The following FRMPD1 variants were observed in gnomAD, a reference collection of about 807,000 sequenced individuals.
The protein encoded by FRMPD1 is FERM and PDZ domain-containing protein 1.
A neutral mutation model predicts 117.8 loss-of-function variants in FRMPD1; 76 were observed. The observed-to-expected ratio is 0.65, with a 90% CI of 0.54 to 0.78. The LOEUF (loss-of-function observed/expected upper bound fraction) is 0.78, where lower values mean the gene tolerates loss of function less well. Ranked by LOEUF, FRMPD1 falls within the 30% of genes least tolerant of loss-of-function variation. The probability of loss-of-function intolerance (pLI) is 0.00; values close to 1 mark genes in which losing one functional copy is unlikely to be tolerated. For missense variants in FRMPD1, 1,786 were observed against 1,964.5 expected (o/e 0.91, Z 1.72); for synonymous variants, 783 against 770.4 (o/e 1.02, Z -0.27).
At chr9:37,730,189 T>C (rs1823807930) in intron 8 of FRMPD1, among the ~76,000 whole-genome samples, 1 of 152,220 alleles carries the variant, frequency 6.6e-6, no homozygotes, top group Non-Finnish European at 1.5e-5. Context: ...CCCTTGCACC[T>C]GCTGCCTTTG....
intron 5 of FRMPD1, among the ~76,000 whole-genome samples, chr9:37,718,248 C>T (rs553314610): frequency 6.6e-6 from 1 of 152,330 alleles, no homozygotes; most frequent in African/African-American, 2.4e-5. Context: ...TCTCTTCTCC[C>T]ATCTTCACAG....
the FRMPD1 span, among the ~76,000 whole-genome samples, chr9:37,628,925 G>A: frequency 1.3e-4 from 20 of 152,218 alleles, no homozygotes; most frequent in African/African-American, 3.4e-4. Context: ...CAGGCCGGGC[G>A]CGGTGGCTCA....
chr9:37,668,693 C>A (rs1403645597), intron 1 of FRMPD1: 1 of 152,092 alleles, frequency 6.6e-6, no homozygotes, highest in Non-Finnish European at 1.5e-5. Context: ...ATACCTTCTC[C>A]ATATCTTAAA....
rs1204929267 is a variant in FRMPD1, at chr9:37,683,507, G to GTGCAAA, written c.-4-9128_-4-9127insAAATGC. ...TTCTGTGCAAATCCAGTACACTACT[G>GTGCAAA]TGCCTGTTCATTGAAGTGTGAGTAG... On this transcript the variant is annotated intron_variant, in intron 1 of 15. Coordinates refer to ENST00000377765, the MANE Select transcript of FRMPD1 (RefSeq NM_014907.3). Among the ~76,000 whole-genome samples, 139 of 152,336 alleles carry GTGCAAA rather than the reference G, an allele frequency of 9.1e-4. 1 individual carries two copies. The highest frequency in any genetic ancestry group is 3.4e-3 in the Middle Eastern group (1 of 294).
intron 1 of FRMPD1, among the ~76,000 whole-genome samples, chr9:37,674,373 A>G (rs1018264305): frequency 2.6e-5 from 4 of 152,190 alleles, no homozygotes; most frequent in African/African-American, 4.8e-5. Context: ...TATTGTTTAT[A>G]TTGCTATCAG....
At chr9:37,623,116 A>T in the FRMPD1 span, among the ~76,000 whole-genome samples, 2 of 152,246 alleles carry the variant, frequency 1.3e-5, no homozygotes, top group Non-Finnish European at 2.9e-5. Flanking sequence ...GAATGTTTTA[A>T]AGTCTGACCA....
chr9:37,728,142 A>G (rs1288129870), intron 7 of FRMPD1: 1 of 152,214 alleles, frequency 6.6e-6, no homozygotes, highest in Non-Finnish European at 1.5e-5. Flanking sequence ...AAATCAATTC[A>G]ATGTACACAA....
intron 1 of FRMPD1, among the ~76,000 whole-genome samples, chr9:37,659,441 C>G (rs561171681): frequency 1.3e-5 from 2 of 152,312 alleles, no homozygotes; most frequent in African/African-American, 4.8e-5. Flanking sequence ...TCAGGTCTTT[C>G]TGGTGCATAC....
chr9:37,740,963 C>A lies in FRMPD1; in HGVS notation c.2356+79C>A. 1 of 1,094,386 alleles carries A rather than the reference C, an allele frequency of 9.1e-7. No homozygotes were observed. Among genetic ancestry groups the A allele is most frequent in the Non-Finnish European group, 1.4e-6 (1 of 715,538 alleles). The allele number at this position is 1,094,386 out of a possible 1,614,324, so 67.8% of individuals were successfully genotyped here. A position where few individuals can be genotyped will look rare whatever the true frequency, so the allele number is the denominator to read the frequency against. On this transcript the variant is annotated intron_variant, in intron 15 of 15. Transcript: ENST00000377765. The surrounding 1 kb of genome is among the most constrained non-coding windows in gnomAD (Gnocchi z 4.2). ...CCGGGGATCAAGGCCTGGGGCCAAG[C>A]TTGAGAGGAAGGCACATGAGTGAAA...
intron 1 of FRMPD1, among the ~76,000 whole-genome samples, chr9:37,677,000 T>G (rs1821552168): frequency 6.6e-6 from 1 of 152,210 alleles, no homozygotes; most frequent in Non-Finnish European, 1.5e-5. Flanking sequence ...AAAGAGGATC[T>G]AATGGAACGA....
intron 12 of FRMPD1, 66 bp downstream of exon 12, chr9:37,733,891 T>C (rs1824006969): frequency 4.3e-6 from 4 of 928,918 alleles, no homozygotes; most frequent in East Asian, 2.4e-5. Flanking sequence ...TGAAAATCAA[T>C]GTGTCTTTTA....
chr9:37,725,037 G>A (rs1222314373), intron 7 of FRMPD1, among the ~76,000 whole-genome samples: 1 of 152,126 alleles, frequency 6.6e-6, no homozygotes, highest in Non-Finnish European at 1.5e-5. Context: ...TTGAGGGTAG[G>A]GTACATATCA....
intron 2 of FRMPD1, among the ~76,000 whole-genome samples, chr9:37,701,785 C>T (rs1011162659): frequency 1.3e-5 from 2 of 152,100 alleles, no homozygotes; most frequent in Admixed American, 6.5e-5. Flanking sequence ...AGTCTGGCTG[C>T]TAGATGGAGA....
intron 7 of FRMPD1, among the ~76,000 whole-genome samples, chr9:37,726,012 T>C (rs1238361747): frequency 6.6e-6 from 1 of 152,192 alleles, no homozygotes; most frequent in Non-Finnish European, 1.5e-5. Flanking sequence ...CCAAAAGGAC[T>C]TTGAGGTAGT....
At chr9:37,614,293 C>T in the FRMPD1 span, among the ~76,000 whole-genome samples, 3 of 152,060 alleles carry the variant, frequency 2.0e-5, no homozygotes, top group Non-Finnish European at 4.4e-5. Context: ...GGCAAAGATA[C>T]CAAGTCTGGA....
intron 1 of FRMPD1, among the ~76,000 whole-genome samples, chr9:37,688,188 T>C (rs1588928732): frequency 6.6e-6 from 1 of 150,644 alleles, no homozygotes; most frequent in South Asian, 2.1e-4. Flanking sequence ...GGGAAACATA[T>C]ATACAAGTAT....
rs1482369115 is a variant in FRMPD1 at position 37,740,589 on chromosome 9, A to C, written c.2061A>C (p.Pro687=). The change falls in exon 15 of 16, where the codon CCA becomes CCC. Residue 687 remains proline, a synonymous_variant. Transcript: ENST00000377765. The surrounding 1 kb of genome is among the most constrained non-coding windows in gnomAD (Gnocchi z 4.2). ...SAALETFGWA[P]ELSTVRLDPR... is the part of the protein sequence containing the mutation. ...CTTTGGAGACATTTGGCTGGGCACC[A>C]GAACTGAGCACAGTCAGGCTGGACC... is the stretch of plus-strand genomic sequence containing the variant. The C allele has an allele frequency of 1.2e-6, 2 of 1,614,124 alleles. No homozygotes were observed. Among genetic ancestry groups the C allele is most frequent in the African/African-American group, 2.7e-5 (2 of 74,940 alleles).
upstream of FRMPD1, among the ~76,000 whole-genome samples, chr9:37,646,945 A>G (rs1824150837): frequency 6.6e-6 from 1 of 152,226 alleles, no homozygotes. Context: ...TAGAGAAAGC[A>G]AACTTTTAGC....
the FRMPD1 span, among the ~76,000 whole-genome samples, chr9:37,626,788 A>C: frequency 6.6e-6 from 1 of 150,904 alleles, no homozygotes; most frequent in East Asian, 1.9e-4. Flanking sequence ...GCCCTGTCTC[A>C]GAGAGAGAGA....
Sources: gnomAD v4.1 joint callset for allele counts (sites outside exome capture counted in the v4.1 genomes callset) on GRCh38, gnomAD v4.1.1 for gene constraint, Gnocchi (gnomAD v3.1) non-coding constraint, MANE v1.5 for transcripts, NCBI Gene and HGNC (gene_info 2026-07-23, HGNC 2026-07-21) for gene names.